The following DISP1 variants were observed in gnomAD, a reference collection of about 807,000 sequenced individuals.
DISP1 encodes the protein protein dispatched homolog 1.
DISP1 carries 30 observed loss-of-function variants against 37.3 expected under a neutral mutation model. The ratio of observed to expected loss-of-function variants is 0.80; its 90% CI spans 0.60 to 1.09. The LOEUF is 1.09. DISP1 is among the 50% of genes least tolerant of loss of function. The probability of loss-of-function intolerance (pLI) is 0.00; values close to 1 mark genes in which losing one functional copy is unlikely to be tolerated. For missense variants in DISP1, 1,598 were observed against 1,879.5 expected (o/e 0.85, Z 2.77); for synonymous variants, 634 against 690.2 (o/e 0.92, Z 1.28).
chr1:223,000,101 A>G (rs1679330126), intron 8 of DISP1, among the ~76,000 whole-genome samples: 1 of 152,118 alleles, frequency 6.6e-6, no homozygotes. Context: ...TTAGTTGGCA[A>G]CTCCATGTCC....
At chr1:222,827,951 A>G (rs1039813340) in intron 1 of DISP1, among the ~76,000 whole-genome samples, 2 of 152,220 alleles carry the variant, frequency 1.3e-5, no homozygotes, top group Non-Finnish European at 2.9e-5. Context: ...CCAGCAGCCT[A>G]AAAGAATGAC....
Position 223,004,970 on chromosome 1 carries a change from T to C in DISP1, c.3573T>C (p.Phe1191=). 6.2e-7 allele frequency: 1 copy of C among 1,613,964 alleles called. No individual in the cohort carries two copies. The highest frequency in any genetic ancestry group is 8.5e-7 in the Non-Finnish European group (1 of 1,180,024). ...RGPKSELEHE[F]YELEPLASHS... ...CAAAATCTGAACTGGAGCATGAGTTTTATGAATTAGAACCTCTGGCTTCCC... is the reference window on the plus strand; with the variant it reads ...CAAAATCTGAACTGGAGCATGAGTTCTATGAATTAGAACCTCTGGCTTCCC... Residue 1191 remains phenylalanine, a synonymous_variant, in exon 9 of 9, where the codon TTT becomes TTC. Transcript: ENST00000675850. The surrounding 1 kb of genome is among the most constrained non-coding windows in gnomAD (Gnocchi z 4.9).
intron 1 of DISP1, among the ~76,000 whole-genome samples, chr1:222,915,036 T>G (rs78327368): frequency 0.012 from 1,788 of 152,238 alleles, 31 homozygotes; most frequent in African/African-American, 0.041. Context: ...TGAGCATTTT[T>G]CATATGCTCC....
chr1:222,827,187 G>A (rs1398451590), intron 1 of DISP1: 1 of 152,126 alleles, frequency 6.6e-6, no homozygotes, highest in Non-Finnish European at 1.5e-5. Context: ...AGCATGTACA[G>A]TACTTCTTTT....
intron 1 of DISP1, among the ~76,000 whole-genome samples, chr1:222,819,571 G>A (rs750253623): frequency 1.2e-4 from 16 of 129,726 alleles, no homozygotes; most frequent in Admixed American, 1.9e-4. Flanking sequence ...ACAGTGTCTC[G>A]CTGTGTTGCC....
intron 3 of DISP1, among the ~76,000 whole-genome samples, chr1:222,955,324 A>G (rs945937148): frequency 1.3e-5 from 2 of 152,102 alleles, no homozygotes; most frequent in African/African-American, 4.8e-5. Context: ...ACCTCAAGTG[A>G]TCTACCTGCC....
chr1:222,851,365 C>T (rs1041783464), intron 1 of DISP1, among the ~76,000 whole-genome samples: 3 of 152,040 alleles, frequency 2.0e-5, no homozygotes, highest in South Asian at 4.1e-4. Flanking sequence ...TGCACCCAGC[C>T]GAATACACAT....
rs761349550 is a variant in DISP1 at position 223,005,768 on chromosome 1, G to T, written c.4371G>T (p.Gln1457His). 6.2e-7 allele frequency: 1 copy of T among 1,614,238 alleles called. No homozygotes were observed. The highest frequency in any genetic ancestry group is 8.5e-7 in the Non-Finnish European group (1 of 1,180,048). ...DASVNSEHFN[Q>H]NEPKVLFNHL... ...GTGTGAACTCAGAACATTTCAATCA[G>T]AATGAACCAAAAGTCCTATTTAATC... is the stretch of plus-strand genomic sequence containing the variant. The change falls in exon 9 of 9, where the codon CAG (glutamine) becomes CAT (histidine). Residue 1457 changes from glutamine (Q) to histidine (H), a missense_variant. Transcript: ENST00000675850.
chr1:222,944,807 G>T (rs1674646890), intron 3 of DISP1, among the ~76,000 whole-genome samples: 1 of 152,196 alleles, frequency 6.6e-6, no homozygotes, highest in Non-Finnish European at 1.5e-5. Context: ...GTTATTGTAT[G>T]TATTTGTTTT....
Position 223,004,384 on chromosome 1 carries a change from T to A in DISP1, c.2987T>A (p.Phe996Tyr). 1 of 1,614,196 alleles carries A rather than the reference T, an allele frequency of 6.2e-7. No individual in the cohort carries two copies. Among genetic ancestry groups the A allele is most frequent in the Non-Finnish European group, 8.5e-7 (1 of 1,180,034 alleles). The change falls in exon 9 of 9, where the codon TTT (phenylalanine) becomes TAT (tyrosine). Residue 996 changes from phenylalanine (F) to tyrosine (Y), a missense_variant. Phe to Tyr is a conservative substitution (Grantham distance 22). Transcript: ENST00000675850. This position sits in a 1 kb window ranked among gnomAD's most constrained non-coding sequence, Gnocchi z 4.9. ...ATGGGGCTGTCAGTTGCTGTTGCAT[T>A]TAGCGTGATGCTGCTGACAACTTGG... is the stretch of plus-strand genomic sequence containing the variant. Reference protein sequence around the residue: ...IAMGLSVAVAFSVMLLTTWNI... With the variant: ...IAMGLSVAVAYSVMLLTTWNI...
intron 1 of DISP1, among the ~76,000 whole-genome samples, chr1:222,927,032 G>A (rs143588219): frequency 9.3e-4 from 141 of 152,068 alleles, no homozygotes; most frequent in African/African-American, 3.3e-3. Flanking sequence ...CAAATAATGA[G>A]GATCAACTGT....
Position 222,893,408 on chromosome 1 carries a change from C to T in DISP1, c.-158-35022C>T, listed in dbSNP as rs541329267. Among the ~76,000 whole-genome samples the T allele has an allele frequency of 3.3e-5, 5 of 152,358 alleles. No individual in the cohort carries two copies. The East Asian group carries it at 9.6e-4, about 29-fold the overall frequency. ...GCCTGCTGGCCTCATTCCGCCCACT[C>T]GACCTGGCAGGCTGTGCTTGGCTCA... On this transcript the variant is annotated intron_variant, in intron 1 of 8. Transcript: ENST00000675850. The surrounding 1 kb of genome is among the most constrained non-coding windows in gnomAD (Gnocchi z 4.3).
chr1:222,880,906 T>G (rs533496673), intron 1 of DISP1, among the ~76,000 whole-genome samples: 3 of 151,888 alleles, frequency 2.0e-5, no homozygotes, highest in South Asian at 4.2e-4. Flanking sequence ...ATAAAAAATA[T>G]AAATATTAGC....
intron 8 of DISP1, among the ~76,000 whole-genome samples, chr1:223,002,156 A>G (rs963010455): frequency 1.3e-5 from 2 of 152,214 alleles, no homozygotes; most frequent in African/African-American, 4.8e-5. Flanking sequence ...ATCCCCAAAC[A>G]GTAGTTTTTA....
chr1:222,943,594 T>C (rs1558346153), intron 3 of DISP1: 3 of 535,602 alleles, frequency 5.6e-6, no homozygotes. Flanking sequence ...TGCTAGACCT[T>C]GAGTTATAAA....
At chr1:222,834,836 G>T (rs370508426) in intron 1 of DISP1, among the ~76,000 whole-genome samples, 3 of 152,196 alleles carry the variant, frequency 2.0e-5, no homozygotes, top group African/African-American at 7.2e-5. Context: ...ACTTGACTCT[G>T]TTTTTTTCCC....
chr1:222,939,261 G>T (rs996854283), intron 2 of DISP1, among the ~76,000 whole-genome samples: 3 of 150,872 alleles, frequency 2.0e-5, no homozygotes, highest in African/African-American at 7.3e-5. Flanking sequence ...TGGCATATAA[G>T]AATCTATTTA....
At chr1:223,001,329 T>A (rs1260129428) in intron 8 of DISP1, among the ~76,000 whole-genome samples, 1 of 152,214 alleles carries the variant, frequency 6.6e-6, no homozygotes, top group Non-Finnish European at 1.5e-5. Context: ...ATGGAAGAAA[T>A]AATTAAATTC....
At chr1:222,989,256 G>T in intron 4 of DISP1, 1 of 455,798 alleles carries the variant, frequency 2.2e-6, no homozygotes. Flanking sequence ...AAATGAGCCA[G>T]AAATAGCCAT....
Sources: gnomAD v4.1 joint callset for allele counts (sites outside exome capture counted in the v4.1 genomes callset) on GRCh38, gnomAD v4.1.1 for gene constraint, Gnocchi (gnomAD v3.1) non-coding constraint, MANE v1.5 for transcripts, NCBI Gene and HGNC (gene_info 2026-07-23, HGNC 2026-07-21) for gene names.